Variants in TMEM232 observed in about 807,000 individuals in gnomAD.
The protein encoded by TMEM232 is transmembrane protein 232.
In TMEM232, 80 loss-of-function variants were observed where a neutral mutation model predicts 78.8. The observed-to-expected ratio is 1.01, with a 90% confidence interval of 0.85 to 1.22. TMEM232 has a LOEUF of 1.22. TMEM232 is among the 50% of genes most tolerant of loss of function. TMEM232 has a pLI of 0.00. For missense variants in TMEM232, 881 were observed against 742.2 expected, an observed-to-expected ratio of 1.19 and a Z score of -2.17; for synonymous variants, 297 against 254.3, an observed-to-expected ratio of 1.17 and a Z score of -1.60.
intron 12 of TMEM232, among the ~76,000 whole-genome samples, chr5:110,486,179 TC>T (rs1442040654): frequency 6.6e-6 from 1 of 152,004 alleles, no homozygotes; most frequent in African/African-American, 2.4e-5. Flanking sequence ...TTTTTTTTTT[TC>T]CATACTGATT....
chr5:110,570,404 A>G (rs193199502), intron 10 of TMEM232, among the ~76,000 whole-genome samples: 4 of 152,126 alleles, frequency 2.6e-5, no homozygotes, highest in African/African-American at 9.6e-5. Context: ...GATAATCTGT[A>G]TCTTCAAGTA....
chr5:110,574,159 T>G (rs1354926187), intron 10 of TMEM232, among the ~76,000 whole-genome samples: 1 of 152,090 alleles, frequency 6.6e-6, no homozygotes, highest in Non-Finnish European at 1.5e-5. Flanking sequence ...CCTATAAGCT[T>G]CATGTTCTAC....
chr5:110,535,325 T>A (rs940508385), intron 11 of TMEM232, among the ~76,000 whole-genome samples: 2 of 152,064 alleles, frequency 1.3e-5, no homozygotes, highest in Non-Finnish European at 2.9e-5. Flanking sequence ...GAGCACCTTG[T>A]GACCCTCACT....
chr5:110,625,900 T>TTCA (rs1784364439), intron 6 of TMEM232, among the ~76,000 whole-genome samples: 1 of 151,780 alleles, frequency 6.6e-6, no homozygotes. Context: ...TGTTATTATT[T>TTCA]ACAACAATAA....
chr5:110,566,905 G>C (rs1445695965), intron 11 of TMEM232, among the ~76,000 whole-genome samples: 1 of 151,884 alleles, frequency 6.6e-6, no homozygotes, highest in Non-Finnish European at 1.5e-5. Flanking sequence ...AAGAAAAAGA[G>C]GTTTAATGGA....
At chr5:110,456,324 A>G (rs554880028) in intron 12 of TMEM232, among the ~76,000 whole-genome samples, 1 of 152,022 alleles carries the variant, frequency 6.6e-6, no homozygotes, top group Admixed American at 6.6e-5. Flanking sequence ...AACATAAAAT[A>G]TGTTACATAT....
intron 12 of TMEM232, chr5:110,513,829 G>C (rs1160736985): frequency 6.0e-6 from 1 of 168,066 alleles, no homozygotes. Context: ...TACGGCAATT[G>C]TATTAGGTTG....
intron 2 of TMEM232, among the ~76,000 whole-genome samples, chr5:110,661,213 T>C (rs192235511): frequency 2.7e-4 from 41 of 152,300 alleles, no homozygotes; most frequent in Middle Eastern, 3.4e-3. Flanking sequence ...ATATATCACA[T>C]TTTCTTTATT....
chr5:110,708,779 C>G (rs1013108790), intron 1 of TMEM232, among the ~76,000 whole-genome samples: 1 of 151,530 alleles, frequency 6.6e-6, no homozygotes, highest in East Asian at 1.9e-4. Context: ...CAGAGAAAAA[C>G]AATTTCACTT....
chr5:110,551,301 G>A (rs1207503851), intron 11 of TMEM232, among the ~76,000 whole-genome samples: 1 of 152,146 alleles, frequency 6.6e-6, no homozygotes, highest in Non-Finnish European at 1.5e-5. Flanking sequence ...TTGGCTCACT[G>A]CAACCTCTGC....
intron 10 of TMEM232, among the ~76,000 whole-genome samples, chr5:110,592,110 A>G (rs180972785): frequency 1.3e-5 from 2 of 152,266 alleles, no homozygotes; most frequent in Admixed American, 1.3e-4. Context: ...TTCAATTCCT[A>G]TCATTTGACT....
chr5:110,712,702 G>T (rs1052861670), intron 1 of TMEM232, among the ~76,000 whole-genome samples: 1 of 152,050 alleles, frequency 6.6e-6, no homozygotes, highest in South Asian at 2.1e-4. Flanking sequence ...TAGCCCACTC[G>T]AGGAGATACA....
chr5:110,613,102 T>A (rs1580361724), intron 8 of TMEM232, among the ~76,000 whole-genome samples: 2 of 152,294 alleles, frequency 1.3e-5, no homozygotes, highest in East Asian at 3.9e-4. Context: ...TATAATTTAT[T>A]GTCTTCAGTG....
intron 1 of TMEM232, among the ~76,000 whole-genome samples, chr5:110,735,593 TA>T (rs1223329293): frequency 6.6e-6 from 1 of 152,152 alleles, no homozygotes; most frequent in Non-Finnish European, 1.5e-5. Flanking sequence ...ATCCTCCCTT[TA>T]AAAGATAGAG....
At chr5:110,573,516 C>T (rs954604313) in intron 10 of TMEM232, among the ~76,000 whole-genome samples, 8 of 152,014 alleles carry the variant, frequency 5.3e-5, no homozygotes, top group African/African-American at 1.4e-4. Flanking sequence ...TGCTAGATGC[C>T]AGCCACTGTT....
Position 110,640,880 on chromosome 5 carries a change from A to T in TMEM232, c.343+11T>A. The T allele has an allele frequency of 6.7e-7, 1 of 1,483,230 alleles. No homozygotes were observed. Among genetic ancestry groups the T allele is most frequent in the Non-Finnish European group, 9.0e-7 (1 of 1,110,588 alleles). The allele number at this position is 1,483,230 out of a possible 1,614,324, so 91.9% of individuals were successfully genotyped here. A position where few individuals can be genotyped will look rare whatever the true frequency, so the allele number is the denominator to read the frequency against. On this transcript the variant is annotated intron_variant, in intron 4 of 13. Transcript: ENST00000455884. ...TACTTAGGATGCCTAATAAGAATTT[A>T]AAGTACGTACCATCTTGGATTTCCC...
Position 110,568,629 on chromosome 5 carries a change from T to A in TMEM232, c.1277-4A>T. The A allele has an allele frequency of 6.6e-7, 1 of 1,524,500 alleles. No homozygotes were observed. Among genetic ancestry groups the A allele is most frequent in the African/African-American group, 1.4e-5 (1 of 71,154 alleles). The allele number at this position is 1,524,500 out of a possible 1,614,324, so 94.4% of individuals were successfully genotyped here. On this transcript the variant is annotated splice_polypyrimidine_tract_variant and splice_region_variant and intron_variant, in intron 10 of 13. Transcript: ENST00000455884. ...CCAGTCCAGACTACTTGATCACCTGTTTAAAAAGAAAAAGTCTTTGGGAAT... is the reference window on the plus strand; with the variant it reads ...CCAGTCCAGACTACTTGATCACCTGATTAAAAAGAAAAAGTCTTTGGGAAT...
chr5:110,640,193 T>A (rs147727117), intron 4 of TMEM232, among the ~76,000 whole-genome samples: 2 of 152,320 alleles, frequency 1.3e-5, no homozygotes, highest in East Asian at 3.9e-4. Context: ...GGCACTGTGA[T>A]GAAGGACCAT....
chr5:110,585,474 G>A (rs555507546), intron 10 of TMEM232, among the ~76,000 whole-genome samples: 19 of 152,112 alleles, frequency 1.2e-4, no homozygotes, highest in African/African-American at 3.9e-4. Context: ...GTGTTGACAG[G>A]GTAGAAAATT....
Sources: allele counts gnomAD v4.1 joint callset (sites outside exome capture counted in the v4.1 genomes callset), GRCh38; gene constraint gnomAD v4.1.1; transcripts MANE v1.5; gene names NCBI Gene and HGNC (gene_info 2026-07-23, HGNC 2026-07-21).